PPP2R5E: variants seen among roughly 807,000 people sequenced by gnomAD.
The protein encoded by PPP2R5E is serine/threonine-protein phosphatase 2A 56 kDa regulatory subunit epsilon isoform.
PPP2R5E carries 4 observed loss-of-function variants against 65.3 expected under a neutral mutation model. That is an observed-to-expected ratio of 0.06 (90% CI 0.03 to 0.14). The LOEUF (loss-of-function observed/expected upper bound fraction) is 0.14, where lower values mean the gene tolerates loss of function less well. Among genes scored for constraint, PPP2R5E ranks in the 10% least tolerant of loss-of-function variants. PPP2R5E has a pLI of 1.00. For missense variants in PPP2R5E, 274 were observed against 556.1 expected (o/e 0.49, Z 5.10); for synonymous variants, 183 against 187.4 (o/e 0.98, Z 0.19).
chr14:63,540,156 C>T (rs971238112), intron 1 of PPP2R5E, among the ~76,000 whole-genome samples: 16 of 129,354 alleles, frequency 1.2e-4, no homozygotes, highest in African/African-American at 4.8e-4. Flanking sequence ...AAGGGCTGGG[C>T]CCGGTGGCTC....
chr14:63,407,359 G>A (rs879746675), intron 5 of PPP2R5E, among the ~76,000 whole-genome samples: 3 of 152,128 alleles, frequency 2.0e-5, no homozygotes, highest in Non-Finnish European at 2.9e-5. Flanking sequence ...TTTTCAAAGG[G>A]CAGATACAAA....
chr14:63,387,101 A>C (rs1236924936), intron 11 of PPP2R5E, among the ~76,000 whole-genome samples: 2 of 152,094 alleles, frequency 1.3e-5, no homozygotes, highest in African/African-American at 4.8e-5. Flanking sequence ...GACACAGATA[A>C]AGCAGGAGGC....
chr14:63,504,039 A>G (rs1347213772), intron 2 of PPP2R5E, among the ~76,000 whole-genome samples: 2 of 152,172 alleles, frequency 1.3e-5, no homozygotes, highest in African/African-American at 4.8e-5. Context: ...AGATTAAAAG[A>G]GCTAGGGAAT....
chr14:63,393,941 A>G lies in PPP2R5E; in HGVS notation c.741-13T>C, dbSNP rs754829248. On this transcript the variant is annotated splice_polypyrimidine_tract_variant and intron_variant, in intron 7 of 13. Transcript: ENST00000337537. ...GCCATTGATAATACTAGGGAGAAAAAAGAGACACAAATTAGCAATGTTACC... is the reference window on the plus strand; with the variant it reads ...GCCATTGATAATACTAGGGAGAAAAGAGAGACACAAATTAGCAATGTTACC... 1.4e-6 allele frequency: 2 copies of G among 1,476,154 alleles called. No individual in the cohort carries two copies. The highest frequency in any genetic ancestry group is 1.7e-5 in the Admixed American group (1 of 58,704). 91.4% of individuals were successfully genotyped at this position (1,476,154 alleles called of 1,614,324 possible). A position where few individuals can be genotyped will look rare whatever the true frequency, so the allele number is the denominator to read the frequency against.
Position 63,399,002 on chromosome 14 carries a change from G to A in PPP2R5E, c.550-2286C>T, listed in dbSNP as rs117336463. 3.6e-4 allele frequency among the ~76,000 whole-genome samples: 55 copies of A among 152,254 alleles called. No individual in the cohort carries two copies. In the East Asian group the frequency reaches 8.5e-3, roughly 23 times the overall value. ...CCACAGAGTTACTATATGACTAAGCGATTCCACTTTCATGTATATATCCAG... is the reference window on the plus strand; with the variant it reads ...CCACAGAGTTACTATATGACTAAGCAATTCCACTTTCATGTATATATCCAG... On this transcript the variant is annotated intron_variant, in intron 5 of 13. Transcript: ENST00000337537.
At chr14:63,415,058 ACT>A in intron 5 of PPP2R5E, 80 bp downstream of exon 5, 9 of 1,010,016 alleles carry the variant, frequency 8.9e-6, no homozygotes, top group Non-Finnish European at 1.3e-5. Context: ...TCATTGCAAA[ACT>A]TTTTTAACAA....
At chr14:63,381,681 T>C (rs1884370289) in intron 13 of PPP2R5E, among the ~76,000 whole-genome samples, 1 of 152,190 alleles carries the variant, frequency 6.6e-6, no homozygotes, top group Non-Finnish European at 1.5e-5. Context: ...ACAGACCACA[T>C]ATACCACGGT....
intron 6 of PPP2R5E, 28 bp downstream of exon 6, chr14:63,396,558 C>A: frequency 1.2e-6 from 2 of 1,607,784 alleles, no homozygotes; most frequent in Non-Finnish European, 8.5e-7. Flanking sequence ...CTTTGCTTCT[C>A]CTTCTTCCCC....
intron 11 of PPP2R5E, among the ~76,000 whole-genome samples, chr14:63,386,119 T>C (rs1012254757): frequency 6.6e-6 from 1 of 152,216 alleles, no homozygotes; most frequent in Non-Finnish European, 1.5e-5. Context: ...CAAAATGGTA[T>C]AAGATGTATC....
At chr14:63,400,590 A>G (rs1885690691) in intron 5 of PPP2R5E, among the ~76,000 whole-genome samples, 1 of 151,506 alleles carries the variant, frequency 6.6e-6, no homozygotes, top group Non-Finnish European at 1.5e-5. Context: ...CTGGACATAC[A>G]CATTGTTGAA....
chr14:63,538,745 G>A (rs1893772866), intron 2 of PPP2R5E, among the ~76,000 whole-genome samples: 1 of 150,640 alleles, frequency 6.6e-6, no homozygotes, highest in Admixed American at 6.6e-5. Context: ...AGGAGTTCAA[G>A]ACCAGCCTGA....
chr14:63,542,644 TC>T, intron 1 of PPP2R5E, 134 bp downstream of exon 1: 1 of 152,260 alleles, frequency 6.6e-6, no homozygotes, highest in Non-Finnish European at 1.5e-5. Flanking sequence ...GCGCTCCCGC[TC>T]CCGCACCCCA....
chr14:63,426,399 T>C (rs1303209293), intron 3 of PPP2R5E, among the ~76,000 whole-genome samples: 1 of 147,922 alleles, frequency 6.8e-6, no homozygotes, highest in Non-Finnish European at 1.5e-5. Flanking sequence ...AGATGATGGC[T>C]ATATGGGAGC....
In PPP2R5E at chr14:63,520,859, C is replaced by CAAAAAAAAAAAA. The variant is rs748146106; in HGVS notation, c.157+18658_157+18669dup. Among the ~76,000 whole-genome samples the CAAAAAAAAAAAA allele has an allele frequency of 3.2e-3, 188 of 58,482 alleles. 2 individuals are homozygous for CAAAAAAAAAAAA. The highest frequency in any genetic ancestry group is 0.012 in the East Asian group (8 of 668). The allele number at this position is 58,482 out of a possible 152,430, so 38.4% of individuals were successfully genotyped here. Reference sequence around the variant, plus strand: ...TGAAACCTCATCTCTACTAAAAATACAAAAAAAAAAAAAAAAAAAAAAAAA... The same window carrying CAAAAAAAAAAAA: ...TGAAACCTCATCTCTACTAAAAATACAAAAAAAAAAAAAAAAAAAAAAAAAAAAAAAAAAAAA... On this transcript the variant is annotated intron_variant, in intron 2 of 13. Transcript: ENST00000337537.
At chr14:63,454,643 AT>A (rs1566714797) in intron 2 of PPP2R5E, among the ~76,000 whole-genome samples, 1 of 152,232 alleles carries the variant, frequency 6.6e-6, no homozygotes, top group African/African-American at 2.4e-5. Flanking sequence ...TTTCTAAAAA[AT>A]ATGTAGAAAT....
Position 63,480,503 on chromosome 14 carries a change from T to C in PPP2R5E, c.158-26618A>G, listed in dbSNP as rs189170972. 3.3e-5 allele frequency among the ~76,000 whole-genome samples: 5 copies of C among 152,240 alleles called. No individual in the cohort carries two copies. The East Asian group carries it at 9.7e-4, about 29-fold the overall frequency. On this transcript the variant is annotated intron_variant, in intron 2 of 13. Coordinates refer to ENST00000337537, the MANE Select transcript of PPP2R5E (RefSeq NM_006246.5). ...CTCTGTTACCCAGGCTGAAGTGCAGTAGAGTGATCATAGTTCAATGCAGCC... is the reference window on the plus strand; with the variant it reads ...CTCTGTTACCCAGGCTGAAGTGCAGCAGAGTGATCATAGTTCAATGCAGCC...
At chr14:63,514,044 C>T (rs968376338) in intron 2 of PPP2R5E, among the ~76,000 whole-genome samples, 1 of 152,180 alleles carries the variant, frequency 6.6e-6, no homozygotes, top group Admixed American at 6.5e-5. Flanking sequence ...TTCTTGTGAA[C>T]CAGCAAATGT....
At chr14:63,407,543 T>C (rs919008275) in intron 5 of PPP2R5E, among the ~76,000 whole-genome samples, 1 of 128,650 alleles carries the variant, frequency 7.8e-6, no homozygotes, top group African/African-American at 4.4e-5. Context: ...TTACAACATA[T>C]ATGCTTATTT....
intron 1 of PPP2R5E, among the ~76,000 whole-genome samples, chr14:63,540,858 G>T (rs1294698011): frequency 6.6e-6 from 1 of 152,136 alleles, no homozygotes; most frequent in Non-Finnish European, 1.5e-5. Context: ...TCCATTATAA[G>T]CATTAAAGAT....
Sources: allele counts gnomAD v4.1 joint callset (sites outside exome capture counted in the v4.1 genomes callset), GRCh38; gene constraint gnomAD v4.1.1; transcripts MANE v1.5; gene names NCBI Gene and HGNC (gene_info 2026-07-23, HGNC 2026-07-21).